Variants in MYOM3 observed in about 807,000 individuals in gnomAD.
The protein encoded by MYOM3 is myomesin-3.
MYOM3 carries 155 observed loss-of-function variants against 191.7 expected under a neutral mutation model. That is an observed-to-expected ratio of 0.81 (90% CI 0.71 to 0.92). The LOEUF is 0.92. Ranked by LOEUF, MYOM3 falls within the 40% of genes least tolerant of loss-of-function variation. MYOM3 has a pLI of 0.00. For synonymous variants in MYOM3, 757 were observed against 762.9 expected (o/e 0.99, Z 0.13); for missense variants, 1,889 against 1,890.6 (o/e 1.00, Z 0.02).
Position 24,076,228 on chromosome 1 carries a change from C to T in MYOM3, c.2632G>A (p.Ala878Thr). 6.2e-7 allele frequency: 1 copy of T among 1,614,188 alleles called. No homozygotes were observed. Among genetic ancestry groups the T allele is most frequent in the Non-Finnish European group, 8.5e-7 (1 of 1,180,016 alleles). Reference protein sequence around the residue: ...PGKSYVFQVQAMNSAGLGQPS... With the variant: ...PGKSYVFQVQTMNSAGLGQPS... ...TGCCCCAGACCAGCTGAATTCATGG[C>T]CTGTACCTGGAACACGTAACTCTTT... is the stretch of plus-strand genomic sequence containing the variant. The change falls in exon 21 of 37, where the codon GCC becomes ACC. Residue 878 changes from alanine to threonine, a missense_variant. By Grantham distance (58) the Ala-to-Thr change is moderately conservative. Transcript: ENST00000374434.
At chr1:24,108,270 C>T in intron 2 of MYOM3, 197 bp from the exon 3 acceptor site, 1 of 751,604 alleles carries the variant, frequency 1.3e-6, no homozygotes, top group Non-Finnish European at 2.1e-6. Flanking sequence ...ACAGGGTTTC[C>T]AGAGGACAGG....
intron 28 of MYOM3, 132 bp from the exon 29 acceptor site, chr1:24,066,133 A>C (rs1451759195): frequency 1.4e-6 from 1 of 740,602 alleles, no homozygotes; most frequent in Non-Finnish European, 2.5e-6. Flanking sequence ...TGGCCTCTGG[A>C]CTCTGAATTC....
At position 24,111,097 on chromosome 1, in the gene MYOM3, G is replaced by A. The variant is rs74061501; in HGVS notation, c.-19+934C>T. Among the ~76,000 whole-genome samples the A allele has an allele frequency of 0.016, 2,363 of 152,346 alleles. 60 individuals are homozygous for A. The highest frequency in any genetic ancestry group is 0.054 in the African/African-American group (2,253 of 41,568). ...TTCTTTTTAAAGCACTGACTGATGC[G>A]TGGTATTAAGCAGGGACAAGTTTGC... On this transcript the variant is annotated intron_variant, in intron 1 of 36. Transcript: ENST00000374434. The surrounding 1 kb of genome is among the most constrained non-coding windows in gnomAD (Gnocchi z 4.7).
chr1:24,109,830 C>G (rs1644024254), intron 1 of MYOM3, among the ~76,000 whole-genome samples: 1 of 152,230 alleles, frequency 6.6e-6, no homozygotes, highest in African/African-American at 2.4e-5. Context: ...TATGTCCATT[C>G]AAGGCCAGGC....
At position 24,105,912 on chromosome 1, in the gene MYOM3, C is replaced by T. The variant is rs145222518; in HGVS notation, c.560+8G>A. On this transcript the variant is annotated splice_region_variant and intron_variant, in intron 5 of 36. Transcript: ENST00000374434. ...GGCCCAGAACCCCTTCCTGCCCCAGCGGCTTACCAGGTGACCTGGGGTGGT... is the reference window on the plus strand; with the variant it reads ...GGCCCAGAACCCCTTCCTGCCCCAGTGGCTTACCAGGTGACCTGGGGTGGT... The T allele has an allele frequency of 6.7e-4, 1,071 of 1,594,602 alleles. 5 individuals carry two copies. In the African/African-American group the frequency reaches 0.012, roughly 17 times the overall value.
intron 1 of MYOM3, among the ~76,000 whole-genome samples, chr1:24,110,186 C>G (rs547927146): frequency 1.9e-4 from 29 of 152,326 alleles, no homozygotes; most frequent in African/African-American, 6.5e-4. Flanking sequence ...GAATCCTGGT[C>G]TGCAGGCTTC....
chr1:24,109,759 T>C (rs965067565), intron 1 of MYOM3, among the ~76,000 whole-genome samples: 8 of 152,242 alleles, frequency 5.3e-5, no homozygotes, highest in African/African-American at 1.9e-4. Context: ...AGCATGATGG[T>C]GGGGCCATGA....
In MYOM3 at chr1:24,082,063, C is replaced by T. The variant is rs754571851; in HGVS notation, c.2218G>A (p.Asp740Asn). ...KILGYFLDQH[D>N]SEELDWHAVN... Reference sequence around the variant, plus strand: ...GCATGCCAGTCCAGCTCTTCCGAGTCATGCTGGTCCAGGAAGTAGCCCAGG... The same window carrying T: ...GCATGCCAGTCCAGCTCTTCCGAGTTATGCTGGTCCAGGAAGTAGCCCAGG... The change falls in exon 18 of 37, where the codon GAC becomes AAC. Residue 740 changes from aspartate to asparagine, a missense_variant. Coordinates refer to ENST00000374434, the MANE Select transcript of MYOM3 (RefSeq NM_152372.4). 1 of 1,612,760 alleles carries T rather than the reference C, an allele frequency of 6.2e-7. No individual in the cohort carries two copies. The highest frequency in any genetic ancestry group is 1.1e-5 in the South Asian group (1 of 90,958).
intron 27 of MYOM3, among the ~76,000 whole-genome samples, chr1:24,067,385 TTTTTC>T (rs1643459844): frequency 2.5e-5 from 2 of 80,152 alleles, no homozygotes; most frequent in African/African-American, 1.1e-4. Context: ...TCTTTCTTTC[TTTTTC>T]CTTCCTTCCT....
intron 1 of MYOM3, among the ~76,000 whole-genome samples, 156 bp from the exon 2 acceptor site, chr1:24,108,810 G>T (rs1644017181): frequency 6.6e-6 from 1 of 152,210 alleles, no homozygotes; most frequent in African/African-American, 2.4e-5. Flanking sequence ...GAGGGAGAGG[G>T]ACCTGCCCAA....
chr1:24,072,351 G>A (rs1051290870), intron 23 of MYOM3, among the ~76,000 whole-genome samples: 2 of 152,018 alleles, frequency 1.3e-5, no homozygotes, highest in African/African-American at 4.8e-5. Flanking sequence ...CAGTGCTGTG[G>A]GCTGAGCATT....
chr1:24,057,416 G>T lies in MYOM3; in HGVS notation c.4262C>A (p.Thr1421Asn). The T allele has an allele frequency of 6.2e-7, 1 of 1,614,108 alleles. No homozygotes were observed. The highest frequency in any genetic ancestry group is 8.5e-7 in the Non-Finnish European group (1 of 1,180,038). Residue 1421 changes from threonine (T) to asparagine (N), a missense_variant, in exon 37 of 37, where the codon ACC becomes AAC. By Grantham distance (65) the Thr-to-Asn change is moderately conservative (BLOSUM62 0). Coordinates refer to ENST00000374434, the MANE Select transcript of MYOM3 (RefSeq NM_152372.4). ...NKYGSETGQV[T>N]ISVFKHGDEP... Reference sequence around the variant, plus strand: ...GTCCCCGTGCTTGAACACACTGATGGTGACCTGGCCCGTCTCGGAGCCATA... The same window carrying T: ...GTCCCCGTGCTTGAACACACTGATGTTGACCTGGCCCGTCTCGGAGCCATA...
In MYOM3 at chr1:24,082,024, G is replaced by A. The variant is rs567543868; in HGVS notation, c.2257C>T (p.Pro753Ser). 1 of 1,611,330 alleles carries A rather than the reference G, an allele frequency of 6.2e-7. No individual in the cohort carries two copies. Among genetic ancestry groups the A allele is most frequent in the East Asian group, 2.2e-5 (1 of 44,856 alleles). Residue 753 changes from proline to serine, a missense_variant, in exon 18 of 37, where the codon CCC becomes TCC. Coordinates refer to ENST00000374434, the MANE Select transcript of MYOM3 (RefSeq NM_152372.4). ...ACCTTGCAGACCCGGGTGGGGATGG[G>A]CTGCTGATTGACCGCATGCCAGTCC... ...ELDWHAVNQQ[P>S]IPTRVCKVSD...
rs370692990 is a variant in MYOM3, at chr1:24,107,252, C to A, written c.243-20G>T. 10 of 1,581,676 alleles carry A rather than the reference C, an allele frequency of 6.3e-6. No homozygotes were observed. The highest frequency in any genetic ancestry group is 8.6e-6 in the Non-Finnish European group (10 of 1,162,304). On this transcript the variant is annotated intron_variant, in intron 3 of 36. Transcript: ENST00000374434. ...GCTTCCCTGCCGTGACAGAGGCCAT[C>A]GGGGCTCAGGCAGGGATGGGGGATG...
At chr1:24,098,836 G>A (rs929292579) in intron 6 of MYOM3, among the ~76,000 whole-genome samples, 1 of 152,182 alleles carries the variant, frequency 6.6e-6, no homozygotes, top group Non-Finnish European at 1.5e-5. Flanking sequence ...TGAGGCCTGG[G>A]TTGGTTGAGG....
At chr1:24,060,367 C>A (rs1027903234) in intron 35 of MYOM3, among the ~76,000 whole-genome samples, 2 of 152,228 alleles carry the variant, frequency 1.3e-5, no homozygotes, top group African/African-American at 4.8e-5. Flanking sequence ...GTCAATGATG[C>A]CACGCAGAGC....
intron 25 of MYOM3, among the ~76,000 whole-genome samples, chr1:24,069,973 T>C (rs540987060): frequency 6.6e-6 from 1 of 152,208 alleles, no homozygotes; most frequent in East Asian, 1.9e-4. Context: ...TAATATGAGA[T>C]TGAGTCATGA....
chr1:24,107,398 T>G (rs961284888), intron 3 of MYOM3, among the ~76,000 whole-genome samples, 166 bp from the exon 4 acceptor site: 1 of 152,258 alleles, frequency 6.6e-6, no homozygotes, highest in Non-Finnish European at 1.5e-5. Context: ...GGAAGGGCCC[T>G]GCTTGCAGTC....
At chr1:24,105,419 C>T (rs1643973882) in intron 5 of MYOM3, among the ~76,000 whole-genome samples, 1 of 152,234 alleles carries the variant, frequency 6.6e-6, no homozygotes, top group Non-Finnish European at 1.5e-5. Flanking sequence ...TTCTCCCTGC[C>T]CCACCCACTG....
Sources: allele counts gnomAD v4.1 joint callset (sites outside exome capture counted in the v4.1 genomes callset), GRCh38; gene constraint gnomAD v4.1.1; non-coding constraint Gnocchi (gnomAD v3.1); transcripts MANE v1.5; gene names NCBI Gene and HGNC (gene_info 2026-07-23, HGNC 2026-07-21).